ZNF507: variants seen among roughly 807,000 people sequenced by gnomAD.
The protein encoded by ZNF507 is zinc finger protein 507.
In ZNF507, 29 loss-of-function variants were observed where a neutral mutation model predicts 80.0. The observed-to-expected ratio is 0.36, with a 90% CI of 0.27 to 0.49. The LOEUF is 0.49. Ranked by LOEUF, ZNF507 falls within the 20% of genes least tolerant of loss-of-function variation. The pLI, the probability that ZNF507 is intolerant of heterozygous loss-of-function variation, is 0.98. For missense variants in ZNF507, 1,081 were observed against 1,152.2 expected (o/e 0.94, Z 0.90); for synonymous variants, 462 against 422.5 (o/e 1.09, Z -1.15).
At chr19:32,350,961 A>G (rs1415446122) in intron 2 of ZNF507, among the ~76,000 whole-genome samples, 1 of 152,234 alleles carries the variant, frequency 6.6e-6, no homozygotes, top group Non-Finnish European at 1.5e-5. Flanking sequence ...GGAAGTCACA[A>G]AAGGGTTTTT....
At chr19:32,372,565 A>G (rs779346871) in intron 5 of ZNF507, among the ~76,000 whole-genome samples, 4 of 151,980 alleles carry the variant, frequency 2.6e-5, no homozygotes, top group Non-Finnish European at 4.4e-5. Flanking sequence ...TTTTTGTGCT[A>G]TGTCACAACA....
At chr19:32,366,145 A>G (rs1967395347) in intron 5 of ZNF507, among the ~76,000 whole-genome samples, 1 of 152,170 alleles carries the variant, frequency 6.6e-6, no homozygotes, top group African/African-American at 2.4e-5. Context: ...TGAGAACCAA[A>G]CAAGGTCCAG....
At chr19:32,371,091 T>C (rs370131613) in intron 5 of ZNF507, among the ~76,000 whole-genome samples, 6 of 152,356 alleles carry the variant, frequency 3.9e-5, no homozygotes, top group Admixed American at 6.5e-5. Context: ...TCTGCACTTC[T>C]GTTTTTATGC....
At chr19:32,358,956 C>A (rs1399709513) in intron 4 of ZNF507, 1 of 152,200 alleles carries the variant, frequency 6.6e-6, no homozygotes, top group Non-Finnish European at 1.5e-5. Context: ...AACTTTAAAT[C>A]CAATATTCTT....
At chr19:32,363,779 A>G (rs762843014) in intron 5 of ZNF507, among the ~76,000 whole-genome samples, 6 of 152,226 alleles carry the variant, frequency 3.9e-5, no homozygotes, top group Non-Finnish European at 5.9e-5. Flanking sequence ...AACACTAGGG[A>G]AACAAAGAAG....
rs749828834 is a variant in ZNF507 at position 32,352,864 on chromosome 19, C to T, written c.34C>T (p.Pro12Ser). ...EESSSVAMLV[P>S]DIGEQEAILT... ...AAGTAGCAGTGTTGCCATGTTGGTGCCAGATATTGGGGAACAGGAAGCTAT... is the reference window on the plus strand; with the variant it reads ...AAGTAGCAGTGTTGCCATGTTGGTGTCAGATATTGGGGAACAGGAAGCTAT... The change falls in exon 3 of 7, where the codon CCA becomes TCA. Residue 12 changes from proline (P) to serine (S), a missense_variant. Pro to Ser is a moderately conservative substitution (Grantham distance 74). Coordinates refer to ENST00000355898, the MANE Select transcript of ZNF507 (RefSeq NM_001136156.2). 1.9e-6 allele frequency: 3 copies of T among 1,593,284 alleles called. No individual in the cohort carries two copies. The highest frequency in any genetic ancestry group is 2.6e-6 in the Non-Finnish European group (3 of 1,173,218).
chr19:32,385,061 CTGT>C lies in ZNF507; in HGVS notation c.*1983_*1985del, dbSNP rs1235032376. The C allele has an allele frequency of 1.3e-5, 2 of 152,104 alleles. No individual in the cohort carries two copies. The highest frequency in any genetic ancestry group is 1.3e-4 in the Admixed American group (2 of 15,270). The allele number at this position is 152,104 out of a possible 1,614,324, so 9.4% of individuals were successfully genotyped here. On this transcript the variant is annotated 3_prime_UTR_variant, in exon 7 of 7. Transcript: ENST00000355898. ...TGACTCAGTATTTCTTTATAAAAAT[CTGT>C]TGTTCTGAAAATCAACAACCTTAGA...
chr19:32,357,680 G>A (rs1437140258), intron 4 of ZNF507: 1 of 152,204 alleles, frequency 6.6e-6, no homozygotes, highest in Non-Finnish European at 1.5e-5. Flanking sequence ...TATAGCATCT[G>A]TTTTTGCAGT....
intron 5 of ZNF507, among the ~76,000 whole-genome samples, chr19:32,377,972 G>GA (rs1216682742): frequency 2.6e-5 from 4 of 151,578 alleles, no homozygotes; most frequent in Non-Finnish European, 4.4e-5. Flanking sequence ...GTCTAACCAT[G>GA]AAAAAAAACA....
chr19:32,354,330 T>C lies in ZNF507; in HGVS notation c.1500T>C (p.Leu500=), dbSNP rs776888042. 1 of 1,614,140 alleles carries C rather than the reference T, an allele frequency of 6.2e-7. No individual in the cohort carries two copies. The change falls in exon 3 of 7, where the codon CTT becomes CTC. Residue 500 remains leucine, a synonymous_variant. Transcript: ENST00000355898. Reference sequence around the variant, plus strand: ...TACACTCATTAGCTGCAGAAGCCCTTGTCACAATGCCTATAAGAGCTGCAG... The same window carrying C: ...TACACTCATTAGCTGCAGAAGCCCTCGTCACAATGCCTATAAGAGCTGCAG... ...LRLHSLAAEA[L]VTMPIRAAEL...
At chr19:32,369,505 G>A (rs1967441288) in intron 5 of ZNF507, among the ~76,000 whole-genome samples, 1 of 152,166 alleles carries the variant, frequency 6.6e-6, no homozygotes, top group Non-Finnish European at 1.5e-5. Context: ...TTTGGCCAAT[G>A]GATGGGTTGG....
At chr19:32,365,534 C>G (rs986403880) in intron 5 of ZNF507, among the ~76,000 whole-genome samples, 2 of 152,070 alleles carry the variant, frequency 1.3e-5, no homozygotes, top group Non-Finnish European at 2.9e-5. Flanking sequence ...TTATACCTGA[C>G]ATTTATAACA....
intron 5 of ZNF507, among the ~76,000 whole-genome samples, chr19:32,362,126 T>C (rs1180438750): frequency 6.6e-6 from 1 of 152,128 alleles, no homozygotes. Context: ...TGGCCTCAAG[T>C]GTCCGCCCAC....
In ZNF507 at chr19:32,382,450, G is replaced by C; in HGVS notation, c.2361-17G>C. The C allele has an allele frequency of 6.2e-7, 1 of 1,611,264 alleles. No homozygotes were observed. The highest frequency in any genetic ancestry group is 8.5e-7 in the Non-Finnish European group (1 of 1,178,568). On this transcript the variant is annotated splice_polypyrimidine_tract_variant and intron_variant, in intron 5 of 6. Transcript: ENST00000355898. ...TATGGGACCGTTCTGATTTTCCCTT[G>C]CCTGCCTGTCTTCCAGATGCTCTCT...
chr19:32,367,346 G>T (rs1396270847), intron 5 of ZNF507, among the ~76,000 whole-genome samples: 2 of 152,180 alleles, frequency 1.3e-5, no homozygotes, highest in Non-Finnish European at 2.9e-5. Flanking sequence ...TTCGACATGA[G>T]ATTTGAAAGG....
chr19:32,349,207 G>A (rs1967132033), intron 2 of ZNF507, among the ~76,000 whole-genome samples: 2 of 152,314 alleles, frequency 1.3e-5, no homozygotes, highest in South Asian at 4.2e-4. Context: ...ATCTCACTCT[G>A]CTACCTCCCT....
chr19:32,377,206 T>C (rs1309260833), intron 5 of ZNF507, among the ~76,000 whole-genome samples: 1 of 152,082 alleles, frequency 6.6e-6, no homozygotes, highest in Non-Finnish European at 1.5e-5. Context: ...GTCTGCTAAG[T>C]AGCGAGTGTT....
intron 5 of ZNF507, among the ~76,000 whole-genome samples, chr19:32,372,286 C>CT (rs1173378843): frequency 6.6e-6 from 1 of 152,100 alleles, no homozygotes; most frequent in Non-Finnish European, 1.5e-5. Flanking sequence ...TAGAATTTGT[C>CT]TTTATACTTG....
At position 32,362,386 on chromosome 19, in the gene ZNF507, C is replaced by T. The variant is rs564149302; in HGVS notation, c.2360+1768C>T. ...AAGTAAGAAGAAAATAACATTTCTCCGGGTCCAGAATTAGATTGTTCTTTC... is the reference window on the plus strand; with the variant it reads ...AAGTAAGAAGAAAATAACATTTCTCTGGGTCCAGAATTAGATTGTTCTTTC... On this transcript the variant is annotated intron_variant, in intron 5 of 6. Coordinates refer to ENST00000355898, the MANE Select transcript of ZNF507 (RefSeq NM_001136156.2). Among the ~76,000 whole-genome samples the T allele has an allele frequency of 1.5e-4, 23 of 152,230 alleles. No individual in the cohort carries two copies. The South Asian group carries it at 2.1e-3, about 14-fold the overall frequency.
Sources: gnomAD v4.1 joint callset for allele counts (sites outside exome capture counted in the v4.1 genomes callset) on GRCh38, gnomAD v4.1.1 for gene constraint, MANE v1.5 for transcripts, NCBI Gene and HGNC (gene_info 2026-07-23, HGNC 2026-07-21) for gene names.